The following MARCHF7 variants were observed in gnomAD, a reference collection of about 807,000 sequenced individuals.
MARCHF7 encodes the protein membrane associated ring-CH-type finger 7.
MARCHF7 carries 20 observed loss-of-function variants against 76.5 expected under a neutral mutation model. The observed-to-expected ratio is 0.26, with a 90% CI of 0.18 to 0.38. The LOEUF is 0.38. MARCHF7 is among the 10% of genes least tolerant of loss of function. The pLI is 1.00. For synonymous variants in MARCHF7, 295 were observed against 293.0 expected, an observed-to-expected ratio of 1.01 and a Z score of -0.07; for missense variants, 797 against 812.9, an observed-to-expected ratio of 0.98 and a Z score of 0.24.
At chr2:159,715,366 G>A (rs1486821618) in intron 2 of MARCHF7, among the ~76,000 whole-genome samples, 3 of 151,842 alleles carry the variant, frequency 2.0e-5, no homozygotes, top group East Asian at 1.9e-4. Flanking sequence ...GGTGGGGGGG[G>A]TAATAATTTT....
chr2:159,718,918 T>C (rs907741637), intron 3 of MARCHF7, among the ~76,000 whole-genome samples: 1 of 152,162 alleles, frequency 6.6e-6, no homozygotes, highest in Non-Finnish European at 1.5e-5. Context: ...CTGAAAAATA[T>C]ACCGTCAGCC....
intron 3 of MARCHF7, among the ~76,000 whole-genome samples, chr2:159,716,412 C>G (rs976478322): frequency 1.2e-4 from 18 of 151,866 alleles, no homozygotes; most frequent in African/African-American, 3.9e-4. Context: ...TTTGGGAGGC[C>G]GAGACAGGCA....
chr2:159,761,406 C>CTTTTTTTTTTTTTTTTTT lies in MARCHF7; in HGVS notation c.1894-1466_1894-1449dup, dbSNP rs747902045. 2.0e-4 allele frequency among the ~76,000 whole-genome samples: 15 copies of CTTTTTTTTTTTTTTTTTT among 73,778 alleles called. 5 individuals are homozygous for CTTTTTTTTTTTTTTTTTT. Among genetic ancestry groups the CTTTTTTTTTTTTTTTTTT allele is most frequent in the South Asian group, 5.0e-4 (1 of 1,982 alleles). 48.4% of individuals were successfully genotyped at this position (73,778 alleles called of 152,430 possible). A position where few individuals can be genotyped will look rare whatever the true frequency, so the allele number is the denominator to read the frequency against. ...ACAATAATTATTAAGTGAATCATTT[C>CTTTTTTTTTTTTTTTTTT]TTTTTTTTTTTTTTTTTTTTTTTTT... On this transcript the variant is annotated intron_variant, in intron 9 of 11. Coordinates refer to ENST00000409175, the MANE Select transcript of MARCHF7 (RefSeq NM_001282805.2).
intron 5 of MARCHF7, among the ~76,000 whole-genome samples, chr2:159,744,239 C>T (rs56014508): frequency 0.32 from 48,284 of 151,766 alleles, 9,643 homozygotes; most frequent in Admixed American, 0.48. Context: ...CCGCCCACCT[C>T]GGCCTCCCAA....
intron 3 of MARCHF7, among the ~76,000 whole-genome samples, 200 bp from the exon 4 acceptor site, chr2:159,728,809 T>C (rs1279661428): frequency 6.6e-6 from 1 of 152,232 alleles, no homozygotes; most frequent in Non-Finnish European, 1.5e-5. Flanking sequence ...GTTTGTTTGC[T>C]TCCTTTTATG....
At chr2:159,723,653 C>T (rs78584658) in intron 3 of MARCHF7, among the ~76,000 whole-genome samples, 2,138 of 152,230 alleles carry the variant, frequency 0.014, 48 homozygotes, top group African/African-American at 0.048. Flanking sequence ...CCACTGCCCA[C>T]TTCCATCTCA....
At chr2:159,726,375 GCGTCAGCCCC>G (rs1702176938) in intron 3 of MARCHF7, among the ~76,000 whole-genome samples, 1 of 152,114 alleles carries the variant, frequency 6.6e-6, no homozygotes, top group Non-Finnish European at 1.5e-5. Flanking sequence ...CCATTCTCCT[GCGTCAGCCCC>G]CTAAGTAGCT....
At chr2:159,718,191 TGA>T (rs1701251525) in intron 3 of MARCHF7, among the ~76,000 whole-genome samples, 1 of 152,154 alleles carries the variant, frequency 6.6e-6, no homozygotes, top group Non-Finnish European at 1.5e-5. Context: ...GCATACCAAG[TGA>T]GGGGCAGACT....
intron 7 of MARCHF7, among the ~76,000 whole-genome samples, chr2:159,749,948 CAT>C (rs1705420396): frequency 6.6e-6 from 1 of 152,190 alleles, no homozygotes. Context: ...CATTTATTTA[CAT>C]TTCTCACTGC....
chr2:159,729,382 A>T (rs771494360), intron 4 of MARCHF7, among the ~76,000 whole-genome samples: 4 of 152,168 alleles, frequency 2.6e-5, no homozygotes, highest in Non-Finnish European at 4.4e-5. Context: ...ATAAAATCAT[A>T]CTTTTGCGCT....
chr2:159,756,328 A>G (rs747051045), intron 8 of MARCHF7, among the ~76,000 whole-genome samples: 10 of 152,206 alleles, frequency 6.6e-5, no homozygotes, highest in Non-Finnish European at 1.2e-4. Context: ...TAGGGTCTTG[A>G]GCATGTTTCT....
At chr2:159,723,112 A>G (rs974348534) in intron 3 of MARCHF7, among the ~76,000 whole-genome samples, 3 of 152,216 alleles carry the variant, frequency 2.0e-5, no homozygotes, top group Non-Finnish European at 2.9e-5. Context: ...ATAAAATACC[A>G]CATCTGCTAC....
At position 159,762,986 on chromosome 2, in the gene MARCHF7, G is replaced by A. The variant is rs752817372; in HGVS notation, c.2000G>A (p.Arg667His). Reference sequence around the variant, plus strand: ...GGAAATACAAATGAACCAAGCACACGTGTCCGAGTAAGTAATAATGAAGTT... The same window carrying A: ...GGAAATACAAATGAACCAAGCACACATGTCCGAGTAAGTAATAATGAAGTT... ...MMGNTNEPST[R>H]VRFINLARTL... is the part of the protein sequence containing the mutation. The change falls in exon 10 of 12, where the codon CGT becomes CAT. Residue 667 changes from arginine to histidine, a missense_variant. Physicochemically the swap from Arg to His is conservative, Grantham distance 29. Coordinates refer to ENST00000409175, the MANE Select transcript of MARCHF7 (RefSeq NM_001282805.2). 22 of 1,608,820 alleles carry A rather than the reference G, an allele frequency of 1.4e-5. No homozygotes were observed. Among genetic ancestry groups the A allele is most frequent in the Non-Finnish European group, 1.8e-5 (21 of 1,177,224 alleles).
chr2:159,753,740 G>A (rs1300356124), intron 8 of MARCHF7, among the ~76,000 whole-genome samples: 1 of 152,190 alleles, frequency 6.6e-6, no homozygotes, highest in Non-Finnish European at 1.5e-5. Context: ...ACAGGGAGAC[G>A]AACCAGGAGT....
intron 4 of MARCHF7, among the ~76,000 whole-genome samples, chr2:159,729,713 T>C (rs1702560268): frequency 6.6e-6 from 1 of 152,014 alleles, no homozygotes; most frequent in East Asian, 1.9e-4. Context: ...GAAAACCTTG[T>C]ACGTAAAAAC....
chr2:159,742,981 G>A, intron 4 of MARCHF7, 80 bp from the exon 5 acceptor site: 1 of 1,227,552 alleles, frequency 8.1e-7, no homozygotes, highest in Non-Finnish European at 1.1e-6. Context: ...ATGCTTGTGG[G>A]AATTTATTAG....
chr2:159,757,977 C>T (rs1706545937), intron 8 of MARCHF7, among the ~76,000 whole-genome samples: 1 of 152,146 alleles, frequency 6.6e-6, no homozygotes, highest in Admixed American at 6.5e-5. Flanking sequence ...GACCTTATGC[C>T]AAATTTTACT....
At chr2:159,747,241 A>G (rs1705012985) in intron 6 of MARCHF7, among the ~76,000 whole-genome samples, 1 of 152,184 alleles carries the variant, frequency 6.6e-6, no homozygotes, top group Non-Finnish European at 1.5e-5. Flanking sequence ...ATTGGCTAGG[A>G]ACTATAGGAT....
rs952898718 is a variant in MARCHF7, at chr2:159,770,814, C to T, written c.*3472C>T. On this transcript the variant is annotated 3_prime_UTR_variant, in exon 12 of 12. Coordinates refer to ENST00000409175, the MANE Select transcript of MARCHF7 (RefSeq NM_001282805.2). ...ACAAGCTGATTTTCACACAAGATTCCCTAACTATGCATTTCTTAGAACGTA... is the reference window on the plus strand; with the variant it reads ...ACAAGCTGATTTTCACACAAGATTCTCTAACTATGCATTTCTTAGAACGTA... The T allele has an allele frequency of 6.6e-6, 1 of 152,084 alleles. No individual in the cohort carries two copies. Among genetic ancestry groups the T allele is most frequent in the Non-Finnish European group, 1.5e-5 (1 of 67,986 alleles). 9.4% of individuals were successfully genotyped at this position (152,084 alleles called of 1,614,324 possible).
Sources: gnomAD v4.1 joint callset for allele counts (sites outside exome capture counted in the v4.1 genomes callset) on GRCh38, gnomAD v4.1.1 for gene constraint, MANE v1.5 for transcripts, NCBI Gene and HGNC (gene_info 2026-07-23, HGNC 2026-07-21) for gene names.